QTMAN: variants seen among roughly 807,000 people sequenced by gnomAD.
The protein encoded by QTMAN is queuosine-tRNA mannosyltransferase, also known as tRNA-queuosine alpha-mannosyltransferase.
the QTMAN span, among the ~76,000 whole-genome samples, chr2:144,215,273 T>TACACACAC: frequency 1.4e-5 from 2 of 143,790 alleles, no homozygotes; most frequent in Admixed American, 7.0e-5. Flanking sequence ...TATATATATA[T>TACACACAC]ACACACACAC....
the QTMAN span, among the ~76,000 whole-genome samples, chr2:144,075,307 A>G: frequency 8.5e-5 from 13 of 152,328 alleles, no homozygotes; most frequent in East Asian, 5.8e-4. Flanking sequence ...CGTAACACGC[A>G]CTCACATGTT....
the QTMAN span, among the ~76,000 whole-genome samples, chr2:144,007,926 T>G: frequency 3.3e-5 from 5 of 152,258 alleles, no homozygotes; most frequent in African/African-American, 9.6e-5. Flanking sequence ...CAAAAATGTT[T>G]GAAACTTCCT....
the QTMAN span, among the ~76,000 whole-genome samples, chr2:143,978,446 C>T: frequency 6.6e-6 from 1 of 152,144 alleles, no homozygotes; most frequent in Non-Finnish European, 1.5e-5. Context: ...CTTAGACTCC[C>T]CAGGTTGTTT....
At chr2:143,964,759 C>A in the QTMAN span, among the ~76,000 whole-genome samples, 1 of 152,122 alleles carries the variant, frequency 6.6e-6, no homozygotes, top group East Asian at 1.9e-4. Flanking sequence ...ATACCAGATA[C>A]TAACCAGAAG....
At chr2:144,271,907 T>C in the QTMAN span, among the ~76,000 whole-genome samples, 1 of 152,236 alleles carries the variant, frequency 6.6e-6, no homozygotes, top group Non-Finnish European at 1.5e-5. Flanking sequence ...AAAAAACTTA[T>C]AAATGAAGCT....
the QTMAN span, among the ~76,000 whole-genome samples, chr2:144,168,028 T>G: frequency 6.6e-6 from 1 of 152,164 alleles, no homozygotes; most frequent in African/African-American, 2.4e-5. Context: ...CATGATAATT[T>G]TACCAAAACT....
the QTMAN span, among the ~76,000 whole-genome samples, chr2:144,122,480 T>C: frequency 6.6e-6 from 1 of 152,218 alleles, no homozygotes; most frequent in African/African-American, 2.4e-5. Flanking sequence ...GCCAGGTGAA[T>C]TGCGGGTGTT....
At chr2:144,007,490 G>T in the QTMAN span, 1 of 1,606,920 alleles carries the variant, frequency 6.2e-7, no homozygotes, top group African/African-American at 1.3e-5. Context: ...TTCCTTTAAG[G>T]CCGAGCATCT....
chr2:143,944,725 T>G, the QTMAN span: 1 of 152,304 alleles, frequency 6.6e-6, no homozygotes, highest in Non-Finnish European at 1.5e-5. Flanking sequence ...ATTACAGGCG[T>G]GCGCCACCGC....
chr2:144,171,267 T>C, the QTMAN span, among the ~76,000 whole-genome samples: 1 of 152,168 alleles, frequency 6.6e-6, no homozygotes, highest in Non-Finnish European at 1.5e-5. Flanking sequence ...CAAAGCTATG[T>C]CAGATACCAC....
chr2:144,133,457 A>G, the QTMAN span, among the ~76,000 whole-genome samples: 1 of 39,580 alleles, frequency 2.5e-5, no homozygotes, highest in African/African-American at 1.7e-4. Flanking sequence ...ATAATATATA[A>G]TATATATTAT....
the QTMAN span, among the ~76,000 whole-genome samples, chr2:144,324,289 AG>A: frequency 6.6e-6 from 1 of 152,216 alleles, no homozygotes; most frequent in Non-Finnish European, 1.5e-5. Flanking sequence ...CTATTTGGAA[AG>A]ATTTTTACTA....
At chr2:144,088,960 A>G in the QTMAN span, among the ~76,000 whole-genome samples, 3 of 151,978 alleles carry the variant, frequency 2.0e-5, no homozygotes, top group Admixed American at 6.6e-5. Flanking sequence ...TAAAACAAAA[A>G]TAGGACTTAC....
At chr2:143,982,236 C>CA in the QTMAN span, among the ~76,000 whole-genome samples, 1 of 146,002 alleles carries the variant, frequency 6.8e-6, no homozygotes, top group Admixed American at 6.8e-5. Context: ...CTTTCTTTCT[C>CA]TTTTTTTTTT....
the QTMAN span, chr2:143,945,856 A>G: frequency 6.6e-6 from 1 of 152,240 alleles, no homozygotes; most frequent in Admixed American, 6.5e-5. Flanking sequence ...TGCAAAGAAA[A>G]TCTTGGAAAT....
At chr2:144,143,220 C>A in the QTMAN span, among the ~76,000 whole-genome samples, 1 of 151,908 alleles carries the variant, frequency 6.6e-6, no homozygotes, top group African/African-American at 2.4e-5. Flanking sequence ...AATGGGTTTA[C>A]CAGGCTGTAA....
At chr2:144,328,368 T>C in the QTMAN span, among the ~76,000 whole-genome samples, 1 of 152,246 alleles carries the variant, frequency 6.6e-6, no homozygotes. Context: ...TTCTATATCC[T>C]AACTCCATCT....
At chr2:144,227,074 A>G in the QTMAN span, among the ~76,000 whole-genome samples, 1 of 152,210 alleles carries the variant, frequency 6.6e-6, no homozygotes, top group African/African-American at 2.4e-5. Flanking sequence ...AAAAACATAT[A>G]TACTCAAATG....
chr2:144,100,619 T>A, the QTMAN span, among the ~76,000 whole-genome samples: 1 of 152,174 alleles, frequency 6.6e-6, no homozygotes, highest in Non-Finnish European at 1.5e-5. Context: ...AACAGGATAA[T>A]ATCCAATGTT....
Sources: gnomAD v4.1 joint callset for allele counts (sites outside exome capture counted in the v4.1 genomes callset) on GRCh38, gnomAD v4.1.1 for gene constraint, MANE v1.5 for transcripts, NCBI Gene and HGNC (gene_info 2026-07-23, HGNC 2026-07-21) for gene names.